Variants in HEYL observed in about 807,000 individuals in gnomAD.
The protein encoded by HEYL is hes related family bHLH transcription factor with YRPW motif like.
Under a neutral mutation model 18.6 loss-of-function variants are expected in HEYL, and 12 were observed. The ratio of observed to expected loss-of-function variants is 0.65; its 90% CI spans 0.41 to 1.05. The LOEUF (loss-of-function observed/expected upper bound fraction) is 1.05, where lower values mean the gene tolerates loss of function less well. Ranked by LOEUF, HEYL falls within the 50% of genes least tolerant of loss-of-function variation. The probability of loss-of-function intolerance (pLI) is 0.00; values close to 1 mark genes in which losing one functional copy is unlikely to be tolerated. For missense variants in HEYL, 420 were observed against 444.7 expected (o/e 0.94, Z 0.50); for synonymous variants, 159 against 179.6 (o/e 0.89, Z 0.91).
chr1:39,631,713 A>G lies in HEYL; in HGVS notation c.148-134T>C. 3 of 712,230 alleles carry G rather than the reference A, an allele frequency of 4.2e-6. No homozygotes were observed. The Admixed American group carries it at 6.6e-5, about 16-fold the overall frequency. The allele number at this position is 712,230 out of a possible 1,614,324, so 44.1% of individuals were successfully genotyped here. A position where few individuals can be genotyped will look rare whatever the true frequency, so the allele number is the denominator to read the frequency against. On this transcript the variant is annotated intron_variant, in intron 2 of 4. Coordinates refer to ENST00000372852, the MANE Select transcript of HEYL (RefSeq NM_014571.4). ...TCAATCTAGTCTTACTTTATGGTGG[A>G]GAAAACCAAGGCCCAGAGAAGGACA... is the stretch of plus-strand genomic sequence containing the variant.
chr1:39,627,452 G>A (rs1281316261), intron 4 of HEYL, among the ~76,000 whole-genome samples: 1 of 152,228 alleles, frequency 6.6e-6, no homozygotes, highest in Non-Finnish European at 1.5e-5. Context: ...CACAATTCAT[G>A]ATTAATGCAA....
At chr1:39,636,299 C>T (rs1446633192) in intron 1 of HEYL, among the ~76,000 whole-genome samples, 1 of 150,148 alleles carries the variant, frequency 6.7e-6, no homozygotes, top group Non-Finnish European at 1.5e-5. Flanking sequence ...CAGAGTCTTA[C>T]TCTGTCACCC....
chr1:39,636,255 T>A (rs999730130), intron 1 of HEYL, among the ~76,000 whole-genome samples: 2 of 151,082 alleles, frequency 1.3e-5, no homozygotes, highest in South Asian at 4.2e-4. Flanking sequence ...TCTACTCTAG[T>A]AGCTTTTTTT....
chr1:39,632,945 G>A, intron 1 of HEYL: 4 of 984,796 alleles, frequency 4.1e-6, no homozygotes, highest in Non-Finnish European at 4.8e-6. Flanking sequence ...CTCGCTCCTC[G>A]CTCCTCGCCC....
chr1:39,629,139 G>T lies in HEYL; in HGVS notation c.313+1088C>A, dbSNP rs16826403. On this transcript the variant is annotated intron_variant, in intron 4 of 4. Coordinates refer to ENST00000372852, the MANE Select transcript of HEYL (RefSeq NM_014571.4). ...TCCCATTAGTTCACAGTCAGAAAAT[G>T]GTGGTAACACTAACCCCCATCTTGC... is the stretch of plus-strand genomic sequence containing the variant. Among the ~76,000 whole-genome samples, 897 of 152,294 alleles carry T rather than the reference G, an allele frequency of 5.9e-3. 15 individuals carry two copies. Among genetic ancestry groups the T allele is most frequent in the African/African-American group, 0.02 (833 of 41,552 alleles).
rs573332849 is a variant in HEYL at position 39,627,310 on chromosome 1, C to T, written c.314-130G>A. The T allele has an allele frequency of 8.8e-4, 671 of 760,018 alleles. 5 individuals are homozygous for T. The African/African-American group carries it at 0.01, about 12-fold the overall frequency. The allele number at this position is 760,018 out of a possible 1,614,324, so 47.1% of individuals were successfully genotyped here. A position where few individuals can be genotyped will look rare whatever the true frequency, so the allele number is the denominator to read the frequency against. On this transcript the variant is annotated intron_variant, in intron 4 of 4. Coordinates refer to ENST00000372852, the MANE Select transcript of HEYL (RefSeq NM_014571.4). ...GGCAGCCGTGGCCATGTCATCCTGC[C>T]TCTCTGAGCCTGTCTCCCCATCTGC...
chr1:39,634,656 T>G (rs1646353287), intron 1 of HEYL, among the ~76,000 whole-genome samples: 1 of 152,196 alleles, frequency 6.6e-6, no homozygotes. Flanking sequence ...GAGCCTTTTC[T>G]AACATTCCTC....
At chr1:39,637,283 C>G (rs1310522212) in intron 1 of HEYL, among the ~76,000 whole-genome samples, 1 of 152,212 alleles carries the variant, frequency 6.6e-6, no homozygotes, top group Admixed American at 6.5e-5. Flanking sequence ...GGACTGCCAC[C>G]AGGCAGATGC....
intron 4 of HEYL, 125 bp from the exon 5 acceptor site, chr1:39,627,305 C>T (rs1646306467): frequency 2.4e-6 from 2 of 820,444 alleles, no homozygotes; most frequent in East Asian, 5.4e-5. Flanking sequence ...GCCATGTCAT[C>T]CTGCCTCTCT....
rs781622250 is a variant in HEYL, at chr1:39,632,753, G to C, written c.81-38C>G. On this transcript the variant is annotated intron_variant, in intron 1 of 4. Coordinates refer to ENST00000372852, the MANE Select transcript of HEYL (RefSeq NM_014571.4). ...AGAAAAGCTGATTTTTCAGGGCTGG[G>C]GGACAGTCTCCCCGGCCTGGGCCGA... 3 of 1,612,164 alleles carry C rather than the reference G, an allele frequency of 1.9e-6. No homozygotes were observed. In the Admixed American group the frequency reaches 5.0e-5, roughly 27 times the overall value.
intron 1 of HEYL, among the ~76,000 whole-genome samples, chr1:39,636,002 T>C (rs940106347): frequency 1.3e-5 from 2 of 152,152 alleles, no homozygotes; most frequent in Non-Finnish European, 2.9e-5. Context: ...CGGTCTCTTA[T>C]GGGGGGAAGC....
At chr1:39,632,525 G>A (rs1287652859) in intron 2 of HEYL, 124 bp downstream of exon 2, 2 of 862,402 alleles carry the variant, frequency 2.3e-6, no homozygotes, top group Admixed American at 2.3e-5. Flanking sequence ...ACAGAGCCGG[G>A]ATTTGAACCC....
In HEYL at chr1:39,626,458, G is replaced by A; in HGVS notation, c.*49C>T. ...AGGCAGTGCCCTTTTTTGGGCTCCT[G>A]GTAAAAGAACCTTCCTTATTCCTTG... On this transcript the variant is annotated 3_prime_UTR_variant, in exon 5 of 5. Transcript: ENST00000372852. 7.0e-7 allele frequency: 1 copy of A among 1,432,564 alleles called. No individual in the cohort carries two copies. Among genetic ancestry groups the A allele is most frequent in the Non-Finnish European group, 9.2e-7 (1 of 1,085,464 alleles). 88.7% of individuals were successfully genotyped at this position (1,432,564 alleles called of 1,614,324 possible). A position where few individuals can be genotyped will look rare whatever the true frequency, so the allele number is the denominator to read the frequency against.
At chr1:39,631,135 C>T (rs1646330842) in intron 3 of HEYL, among the ~76,000 whole-genome samples, 2 of 152,204 alleles carry the variant, frequency 1.3e-5, no homozygotes, top group African/African-American at 4.8e-5. Context: ...GTCTGTAGTG[C>T]AGAGGGATGA....
At position 39,626,974 on chromosome 1, in the gene HEYL, C is replaced by A. The variant is rs1353430587; in HGVS notation, c.520G>T (p.Ala174Ser). Reference sequence around the variant, plus strand: ...CTATGGAAGAAAGACCAGGGCCAGGCAGGGAAGGCCAAAGGGCCAGTGGGC... The same window carrying A: ...CTATGGAAGAAAGACCAGGGCCAGGAAGGGAAGGCCAAAGGGCCAGTGGGC... ...PTPTGPLAFP[A>S]WPWSFFHSCP... is the part of the protein sequence containing the mutation. Residue 174 changes from alanine to serine, a missense_variant, in exon 5 of 5, where the codon GCC (alanine) becomes TCC (serine). Coordinates refer to ENST00000372852, the MANE Select transcript of HEYL (RefSeq NM_014571.4). 1.9e-6 allele frequency: 3 copies of A among 1,614,112 alleles called. No homozygotes were observed. Among genetic ancestry groups the A allele is most frequent in the South Asian group, 2.2e-5 (2 of 91,082 alleles).
chr1:39,628,613 T>C (rs1424201597), intron 4 of HEYL, among the ~76,000 whole-genome samples: 1 of 151,436 alleles, frequency 6.6e-6, no homozygotes, highest in African/African-American at 2.4e-5. Flanking sequence ...TTCTTTTATT[T>C]TTGAGACGGA....
At chr1:39,628,845 G>T (rs1375442317) in intron 4 of HEYL, among the ~76,000 whole-genome samples, 2 of 151,944 alleles carry the variant, frequency 1.3e-5, no homozygotes, top group African/African-American at 2.4e-5. Flanking sequence ...CTTGTGATCC[G>T]CCTGTTTCGG....
At position 39,626,451 on chromosome 1, in the gene HEYL, G is replaced by C. The variant is rs1006227707; in HGVS notation, c.*56C>G. 3 of 1,416,396 alleles carry C rather than the reference G, an allele frequency of 2.1e-6. No homozygotes were observed. The East Asian group carries it at 7.9e-5, about 37-fold the overall frequency. 87.7% of individuals were successfully genotyped at this position (1,416,396 alleles called of 1,614,324 possible). A position where few individuals can be genotyped will look rare whatever the true frequency, so the allele number is the denominator to read the frequency against. On this transcript the variant is annotated 3_prime_UTR_variant, in exon 5 of 5. Coordinates refer to ENST00000372852, the MANE Select transcript of HEYL (RefSeq NM_014571.4). The stretch of plus-strand genomic sequence containing the variant: ...GCAGAAAAGGCAGTGCCCTTTTTTG[G>C]GCTCCTGGTAAAAGAACCTTCCTTA...
intron 1 of HEYL, among the ~76,000 whole-genome samples, chr1:39,634,969 T>C (rs1646355148): frequency 6.6e-6 from 1 of 152,186 alleles, no homozygotes; most frequent in Admixed American, 6.5e-5. Context: ...CTTTGTGGAA[T>C]GGGGGCGTAT....
Sources: allele counts gnomAD v4.1 joint callset (sites outside exome capture counted in the v4.1 genomes callset), GRCh38; gene constraint gnomAD v4.1.1; transcripts MANE v1.5; gene names NCBI Gene and HGNC (gene_info 2026-07-23, HGNC 2026-07-21).